AMMECR1: variants seen among roughly 807,000 people sequenced by gnomAD.
The protein encoded by AMMECR1 is nuclear protein AMMECR1.
Under a neutral mutation model 22.5 loss-of-function variants are expected in AMMECR1, and 3 were observed. The observed-to-expected ratio is 0.13, with a 90% CI of 0.06 to 0.35. The LOEUF is 0.35. Ranked by LOEUF, AMMECR1 falls within the 10% of genes least tolerant of loss-of-function variation. AMMECR1 has a pLI of 1.00. For missense variants in AMMECR1, 235 were observed against 278.7 expected (o/e 0.84, Z 1.12); for synonymous variants, 130 against 116.7 (o/e 1.11, Z -0.74).
chrX:110,213,743 T>G (rs184731494), intron 3 of AMMECR1, among the ~76,000 whole-genome samples: 170 of 111,870 alleles, frequency 1.5e-3, no homozygotes, highest in African/African-American at 5.2e-3. Flanking sequence ...CACAATACTA[T>G]TACTCCATTT....
intron 2 of AMMECR1, among the ~76,000 whole-genome samples, chrX:110,351,078 C>T (rs985897988): frequency 1.2e-4 from 14 of 112,278 alleles, no homozygotes; most frequent in African/African-American, 2.9e-4. Flanking sequence ...AACTATGAAA[C>T]GTTTTTGAAA....
intron 2 of AMMECR1, among the ~76,000 whole-genome samples, chrX:110,251,837 G>A (rs2067687558): frequency 9.0e-6 from 1 of 111,716 alleles, no homozygotes; most frequent in Non-Finnish European, 1.9e-5. Context: ...TGGGGTCACT[G>A]GTTTATTTAC....
rs776187923 is a variant in AMMECR1, at chrX:110,264,438, T to G, written c.584+51A>C. ...GTTAAAGTATCAGATTCAAGTTTCA[T>G]AAGTTTTTTTTTTTAATGTAAAAGC... is the stretch of plus-strand genomic sequence containing the variant. On this transcript the variant is annotated intron_variant, in intron 2 of 5. Transcript: ENST00000262844. 5.5e-6 allele frequency: 4 copies of G among 721,831 alleles called. No individual in the cohort carries two copies. The South Asian group carries it at 1.1e-4, about 19-fold the overall frequency. 59.5% of individuals were successfully genotyped at this position (721,831 alleles called of 1,213,427 possible).
intron 1 of AMMECR1, among the ~76,000 whole-genome samples, chrX:110,267,160 T>A (rs772178694): frequency 8.9e-6 from 1 of 111,824 alleles, no homozygotes; most frequent in South Asian, 3.8e-4. Flanking sequence ...TGTGTGCATG[T>A]CTCTTTATAG....
chrX:110,309,616 T>C (rs2068014806), intron 1 of AMMECR1: 1 of 111,907 alleles, frequency 8.9e-6, no homozygotes, highest in South Asian at 3.8e-4. Context: ...CTAGTATTAG[T>C]AGGTCTTTAC....
chrX:110,393,988 G>T (rs1449880609), intron 2 of AMMECR1, among the ~76,000 whole-genome samples: 1 of 112,549 alleles, frequency 8.9e-6, no homozygotes, highest in African/African-American at 3.2e-5. Flanking sequence ...CGCTCAATGA[G>T]CGCTTTTGTG....
At chrX:110,346,930 C>T (rs1313287207) in intron 2 of AMMECR1, 2 of 544,071 alleles carry the variant, frequency 3.7e-6, no homozygotes, top group Admixed American at 2.5e-5. Context: ...GGGGCCGGGC[C>T]GATTCGTGGG....
intron 2 of AMMECR1, among the ~76,000 whole-genome samples, chrX:110,340,019 C>CAA (rs1556096543): frequency 9.8e-6 from 1 of 102,390 alleles, no homozygotes. Flanking sequence ...CACACACACA[C>CAA]AACATATTGG....
chrX:110,219,302 T>C, intron 2 of AMMECR1: 1 of 704,621 alleles, frequency 1.4e-6, no homozygotes. Context: ...CACCAATATT[T>C]GTTGTTGTTT....
intron 2 of AMMECR1, among the ~76,000 whole-genome samples, chrX:110,400,288 T>C (rs1174272295): frequency 1.9e-5 from 2 of 107,093 alleles, no homozygotes; most frequent in African/African-American, 6.8e-5. Context: ...GCCTCAGTGA[T>C]AGCCAATCCA....
rs752515167 is a variant in AMMECR1, at chrX:110,268,986, C to T, written c.474-4387G>A. On this transcript the variant is annotated intron_variant, in intron 1 of 5. Coordinates refer to ENST00000262844, the MANE Select transcript of AMMECR1 (RefSeq NM_015365.3). ...AAATGTTTATCTGAAGGCAACCAGA[C>T]AAAGCTTTTAAAGTAATTTTCCTAC... 3.6e-5 allele frequency among the ~76,000 whole-genome samples: 4 copies of T among 111,872 alleles called. No individual in the cohort carries two copies. The South Asian group carries it at 1.5e-3, about 42-fold the overall frequency.
intron 2 of AMMECR1, among the ~76,000 whole-genome samples, chrX:110,423,360 GGAAGGA>G (rs1036335078): frequency 9.1e-6 from 1 of 110,125 alleles, no homozygotes; most frequent in Non-Finnish European, 1.9e-5. Flanking sequence ...AAAAGAAAGA[GGAAGGA>G]GAAGGAGAAG....
intron 2 of AMMECR1, among the ~76,000 whole-genome samples, chrX:110,242,936 T>C (rs1477213057): frequency 8.9e-6 from 1 of 112,355 alleles, no homozygotes; most frequent in Non-Finnish European, 1.9e-5. Flanking sequence ...AGCATTAAAA[T>C]ACATGTTTAC....
In AMMECR1 at chrX:110,194,700, A is replaced by C. The variant is rs1439688816; in HGVS notation, c.*3820T>G. On this transcript the variant is annotated 3_prime_UTR_variant, in exon 6 of 6. Transcript: ENST00000262844. ...GGTGGTTACAAAAGTTTGTTTGCTC[A>C]GTGCGTCTATGTACCAGCGCAGTTA... 1 of 112,523 alleles carries C rather than the reference A, an allele frequency of 8.9e-6. No homozygotes were observed. Among genetic ancestry groups the C allele is most frequent in the African/African-American group, 3.2e-5 (1 of 31,000 alleles). The allele number at this position is 112,523 out of a possible 1,213,427, so 9.3% of individuals were successfully genotyped here. A position where few individuals can be genotyped will look rare whatever the true frequency, so the allele number is the denominator to read the frequency against.
intron 2 of AMMECR1, among the ~76,000 whole-genome samples, chrX:110,339,512 T>C (rs1023766021): frequency 8.1e-5 from 9 of 110,664 alleles, no homozygotes; most frequent in Non-Finnish European, 1.1e-4. Flanking sequence ...ATTATTTTTT[T>C]GGAGAAGGAG....
chrX:110,317,070 G>C (rs1005014559), intron 1 of AMMECR1, among the ~76,000 whole-genome samples: 20 of 111,899 alleles, frequency 1.8e-4, no homozygotes, highest in Non-Finnish European at 3.6e-4. Flanking sequence ...AAAACCCAGA[G>C]GAGAAGATGG....
intron 2 of AMMECR1, among the ~76,000 whole-genome samples, chrX:110,376,407 C>T (rs2068376800): frequency 9.0e-6 from 1 of 111,542 alleles, no homozygotes; most frequent in Non-Finnish European, 1.9e-5. Flanking sequence ...TGAGCTGATG[C>T]ACAGGACCAG....
intron 1 of AMMECR1, among the ~76,000 whole-genome samples, chrX:110,438,913 C>T (rs751084209): frequency 1.8e-5 from 2 of 112,173 alleles, no homozygotes; most frequent in African/African-American, 3.2e-5. Context: ...TATTCTTATT[C>T]ATGGCTGAGG....
chrX:110,232,188 T>A (rs1320224065), intron 2 of AMMECR1, among the ~76,000 whole-genome samples: 2 of 111,835 alleles, frequency 1.8e-5, no homozygotes, highest in Non-Finnish European at 3.8e-5. Flanking sequence ...TACAGGACTC[T>A]CCACCCCAAA....
Sources: allele counts gnomAD v4.1 joint callset (sites outside exome capture counted in the v4.1 genomes callset), GRCh38; gene constraint gnomAD v4.1.1; transcripts MANE v1.5; gene names NCBI Gene and HGNC (gene_info 2026-07-23, HGNC 2026-07-21).